Variants in MALRD1 observed in about 807,000 individuals in gnomAD.
The protein encoded by MALRD1 is MAM and LDL receptor class A domain containing 1.
In MALRD1, 247 loss-of-function variants were observed where a neutral mutation model predicts 242.1. The ratio of observed to expected loss-of-function variants is 1.02; its 90% CI spans 0.92 to 1.13. The LOEUF (loss-of-function observed/expected upper bound fraction) is 1.13. Ranked by LOEUF, MALRD1 falls within the 50% of genes most tolerant of loss-of-function variation. MALRD1 has a pLI of 0.00. For synonymous variants in MALRD1, 995 were observed against 866.6 expected, an observed-to-expected ratio of 1.15 and a Z score of -2.60; for missense variants, 2,989 against 2,533.1, an observed-to-expected ratio of 1.18 and a Z score of -3.86.
rs1318062818 is a variant in MALRD1 at position 19,216,964 on chromosome 10, AT to A, written c.2991+7285del. Among the ~76,000 whole-genome samples, 8 of 144,744 alleles carry A rather than the reference AT, an allele frequency of 5.5e-5. No homozygotes were observed. In the East Asian group the frequency reaches 1.4e-3, roughly 26 times the overall value. 95.0% of individuals were successfully genotyped at this position (144,744 alleles called of 152,430 possible). A position where few individuals can be genotyped will look rare whatever the true frequency, so the allele number is the denominator to read the frequency against. Reference sequence around the variant, plus strand: ...CCGTCTCAAAAAAAAAAAAATAAAAATAAAATAAAATTAAAAAAAATGATGT... The same window carrying A: ...CCGTCTCAAAAAAAAAAAAATAAAAAAAAATAAAATTAAAAAAAATGATGT... On this transcript the variant is annotated intron_variant, in intron 18 of 39. Transcript: ENST00000454679.
At chr10:19,251,886 T>C (rs1375666359) in intron 18 of MALRD1, among the ~76,000 whole-genome samples, 2 of 151,918 alleles carry the variant, frequency 1.3e-5, no homozygotes, top group Non-Finnish European at 1.5e-5. Flanking sequence ...GATCTGGTTG[T>C]TTAAAAGTGT....
Position 19,347,923 on chromosome 10 carries a change from C to A in MALRD1, c.4054C>A (p.His1352Asn). The A allele has an allele frequency of 6.5e-7, 1 of 1,550,240 alleles. No individual in the cohort carries two copies. Among genetic ancestry groups the A allele is most frequent in the South Asian group, 1.2e-5 (1 of 84,022 alleles). ...ADHTLGNSSG[H>N]YIFIKSLFPQ... ...TCACACTTTGGGAAATTCATCTGGTCATTACATCTTTATAAAGAGTTTGTT... is the reference window on the plus strand; with the variant it reads ...TCACACTTTGGGAAATTCATCTGGTAATTACATCTTTATAAAGAGTTTGTT... The change falls in exon 25 of 40, where the codon CAT (histidine) becomes AAT (asparagine). Residue 1352 changes from histidine to asparagine, a missense_variant. Coordinates refer to ENST00000454679, the MANE Select transcript of MALRD1 (RefSeq NM_001142308.3).
At chr10:19,653,095 A>G (rs1157022095) in intron 36 of MALRD1, among the ~76,000 whole-genome samples, 3 of 152,184 alleles carry the variant, frequency 2.0e-5, no homozygotes, top group African/African-American at 7.2e-5. Flanking sequence ...ACAAATCAGC[A>G]GTCTTGAGTG....
intron 4 of MALRD1, 25 bp from the exon 5 acceptor site, chr10:19,103,944 TTTTTGTTTTG>T (rs1421481707): frequency 7.8e-6 from 9 of 1,151,246 alleles, no homozygotes; most frequent in Non-Finnish European, 9.9e-6. Flanking sequence ...TTGCTTTATG[TTTTTGTTTTG>T]TTTTGTTTTG....
chr10:19,238,237 TATA>T (rs1430051000), intron 18 of MALRD1, among the ~76,000 whole-genome samples: 16 of 55,104 alleles, frequency 2.9e-4, no homozygotes, highest in African/African-American at 9.0e-4. Flanking sequence ...ATATATTATA[TATA>T]ATATGTAATA....
At chr10:19,587,019 C>T (rs994647721) in intron 33 of MALRD1, among the ~76,000 whole-genome samples, 4 of 152,206 alleles carry the variant, frequency 2.6e-5, no homozygotes, top group African/African-American at 9.6e-5. Context: ...CTTTCTTTGA[C>T]TAGGAAAGGG....
intron 5 of MALRD1, among the ~76,000 whole-genome samples, chr10:19,118,875 T>A (rs1836966844): frequency 6.6e-6 from 1 of 152,170 alleles, no homozygotes; most frequent in Non-Finnish European, 1.5e-5. Flanking sequence ...AAGGTCATAG[T>A]AAGGCATTGA....
intron 11 of MALRD1, among the ~76,000 whole-genome samples, chr10:19,154,088 A>G (rs943678111): frequency 1.3e-5 from 2 of 152,190 alleles, no homozygotes; most frequent in African/African-American, 4.8e-5. Flanking sequence ...ACTTGCTCGC[A>G]TGCACTGTTT....
chr10:19,674,951 C>A lies in MALRD1; in HGVS notation c.6138-17331C>A, dbSNP rs548898841. ...GAGAAATAGAAGCTCAAAACACCAA[C>A]TTCAGGACATTTTTTTAAAAAAACT... On this transcript the variant is annotated intron_variant, in intron 36 of 39. Transcript: ENST00000454679. 1.0e-4 allele frequency among the ~76,000 whole-genome samples: 15 copies of A among 150,330 alleles called. No individual in the cohort carries two copies. The South Asian group carries it at 2.4e-3, about 24-fold the overall frequency.
chr10:19,608,298 G>A (rs1237188748), intron 35 of MALRD1, among the ~76,000 whole-genome samples: 9 of 151,890 alleles, frequency 5.9e-5, no homozygotes, highest in Non-Finnish European at 1.3e-4. Flanking sequence ...CTTTATAAGA[G>A]TTTTCTATTT....
At chr10:19,563,712 A>G (rs1836114368) in intron 32 of MALRD1, among the ~76,000 whole-genome samples, 1 of 152,070 alleles carries the variant, frequency 6.6e-6, no homozygotes. Flanking sequence ...ACTCCTAATC[A>G]TTGTCTTTCA....
rs1186797725 is a variant in MALRD1, at chr10:19,280,117, C to T, written c.3150C>T (p.Cys1050=). 2 of 1,545,424 alleles carry T rather than the reference C, an allele frequency of 1.3e-6. No individual in the cohort carries two copies. Among genetic ancestry groups the T allele is most frequent in the African/African-American group, 2.7e-5 (2 of 72,734 alleles). ...CTGTAACATTACCTCCACACAACTG[C>T]ACAGACAATGAATTTATCTGCAGGT... ...SVPVTLPPHN[C]TDNEFICRSD... Residue 1050 remains cysteine, a synonymous_variant, in exon 20 of 40, where the codon TGC becomes TGT. Transcript: ENST00000454679.
intron 32 of MALRD1, among the ~76,000 whole-genome samples, chr10:19,556,945 C>T (rs527812807): frequency 2.0e-4 from 31 of 152,150 alleles, no homozygotes; most frequent in South Asian, 4.1e-4. Context: ...TCTATATCCT[C>T]GGGAGTGTTT....
intron 35 of MALRD1, among the ~76,000 whole-genome samples, chr10:19,614,221 C>T (rs1839032645): frequency 6.6e-6 from 1 of 152,020 alleles, no homozygotes; most frequent in Admixed American, 6.6e-5. Context: ...GATTAACTAC[C>T]TTACCCAATA....
intron 2 of MALRD1, among the ~76,000 whole-genome samples, chr10:19,074,003 T>G (rs4509661): frequency 0.54 from 81,291 of 151,896 alleles, 21,881 homozygotes; most frequent in Middle Eastern, 0.61. Flanking sequence ...AAGAACCACA[T>G]AAGGACCAGG....
intron 5 of MALRD1, among the ~76,000 whole-genome samples, chr10:19,110,702 G>C (rs574263486): frequency 6.6e-6 from 1 of 152,228 alleles, no homozygotes; most frequent in Admixed American, 6.5e-5. Flanking sequence ...TGGGTCCAGA[G>C]CAAAGCCAGC....
intron 31 of MALRD1, among the ~76,000 whole-genome samples, chr10:19,520,215 A>G (rs926649828): frequency 2.0e-5 from 3 of 152,102 alleles, no homozygotes; most frequent in African/African-American, 7.2e-5. Context: ...AAAAGCCTGT[A>G]TTTGTAACCA....
chr10:19,355,119 G>A (rs1844563842), intron 26 of MALRD1, among the ~76,000 whole-genome samples: 2 of 152,098 alleles, frequency 1.3e-5, no homozygotes, highest in African/African-American at 4.8e-5. Context: ...TAAAGGATAT[G>A]GTTGTGAGAG....
intron 18 of MALRD1, among the ~76,000 whole-genome samples, chr10:19,243,185 A>G (rs1440217028): frequency 6.6e-6 from 1 of 151,022 alleles, no homozygotes; most frequent in Non-Finnish European, 1.5e-5. Flanking sequence ...CTTCTGTCAC[A>G]TAAAAATACT....
Sources: gnomAD v4.1 joint callset for allele counts (sites outside exome capture counted in the v4.1 genomes callset) on GRCh38, gnomAD v4.1.1 for gene constraint, MANE v1.5 for transcripts, NCBI Gene and HGNC (gene_info 2026-07-23, HGNC 2026-07-21) for gene names.